The following MYT1L variants were observed in gnomAD, a reference collection of about 807,000 sequenced individuals.
MYT1L encodes myelin transcription factor 1 like.
A neutral mutation model predicts 126.7 loss-of-function variants in MYT1L; 12 were observed. The ratio of observed to expected loss-of-function variants is 0.09; its 90% CI spans 0.06 to 0.15. The LOEUF is 0.15. Among genes scored for constraint, MYT1L ranks in the 10% least tolerant of loss-of-function variants. The pLI is 1.00. For missense variants in MYT1L, 979 were observed against 1,585.2 expected (o/e 0.62, Z 6.49); for synonymous variants, 541 against 604.2 (o/e 0.90, Z 1.53).
At chr2:2,201,530 T>A (rs1027206770) in intron 2 of MYT1L, among the ~76,000 whole-genome samples, 27 of 152,170 alleles carry the variant, frequency 1.8e-4, no homozygotes, top group African/African-American at 6.3e-4. Context: ...AAACCCTGTC[T>A]CTACTGAAAA....
intron 4 of MYT1L, among the ~76,000 whole-genome samples, chr2:2,031,007 C>A (rs757485799): frequency 1.3e-5 from 2 of 152,182 alleles, no homozygotes. Context: ...TTGTATTAAG[C>A]GTGTGCATGA....
chr2:2,270,270 G>T (rs146547131), intron 2 of MYT1L, among the ~76,000 whole-genome samples: 31 of 152,320 alleles, frequency 2.0e-4, no homozygotes, highest in African/African-American at 7.2e-4. Flanking sequence ...TGTTTAAGCC[G>T]TCTGGTAGTT....
chr2:2,194,896 A>G (rs1310404505), intron 2 of MYT1L, among the ~76,000 whole-genome samples: 2 of 152,264 alleles, frequency 1.3e-5, no homozygotes, highest in African/African-American at 4.8e-5. Context: ...TAAATGCTAT[A>G]AAGAGTCTTA....
chr2:1,867,414 G>A (rs562890335), intron 18 of MYT1L, among the ~76,000 whole-genome samples: 28 of 152,200 alleles, frequency 1.8e-4, no homozygotes, highest in Non-Finnish European at 3.5e-4. Flanking sequence ...CCCATGTCTC[G>A]TCCCTGGAGG....
At chr2:2,150,361 C>G (rs758717023) in intron 3 of MYT1L, among the ~76,000 whole-genome samples, 50 of 152,106 alleles carry the variant, frequency 3.3e-4, no homozygotes, top group Non-Finnish European at 6.6e-4. Context: ...TAGTTTAAAA[C>G]TAAACAAAGA....
chr2:1,967,124 T>C (rs1374622933), intron 8 of MYT1L, among the ~76,000 whole-genome samples: 1 of 152,244 alleles, frequency 6.6e-6, no homozygotes, highest in African/African-American at 2.4e-5. Context: ...GGTTCTTTCA[T>C]CATTTCTAGT....
intron 2 of MYT1L, among the ~76,000 whole-genome samples, chr2:2,184,045 AAAAG>A (rs201846554): frequency 0.043 from 6,549 of 150,628 alleles, 212 homozygotes; most frequent in Non-Finnish European, 0.068. Context: ...GAGAAAAAGA[AAAAG>A]AAAGAAAGAA....
rs914816122 is a variant in MYT1L, at chr2:1,929,734, G to A, written c.506-6471C>T. 3.3e-5 allele frequency among the ~76,000 whole-genome samples: 5 copies of A among 152,200 alleles called. No homozygotes were observed. The highest frequency in any genetic ancestry group is 2.0e-4 in the Admixed American group (3 of 15,286). On this transcript the variant is annotated intron_variant, in intron 9 of 24. Transcript: ENST00000647738. The surrounding 1 kb of genome is among the most constrained non-coding windows in gnomAD (Gnocchi z 4.7). ...AGTGCCGGCCATTGCCATTTTCTTTGAATTTTAGTGCTAGATAGAATTATT... is the reference window on the plus strand; with the variant it reads ...AGTGCCGGCCATTGCCATTTTCTTTAAATTTTAGTGCTAGATAGAATTATT...
At chr2:2,160,504 T>A (rs940580308) in intron 3 of MYT1L, among the ~76,000 whole-genome samples, 4 of 152,176 alleles carry the variant, frequency 2.6e-5, no homozygotes, top group African/African-American at 9.6e-5. Context: ...CACTGGCTGC[T>A]AAAGCCATGA....
chr2:2,114,982 C>T (rs2080005982), intron 3 of MYT1L, among the ~76,000 whole-genome samples: 1 of 152,218 alleles, frequency 6.6e-6, no homozygotes, highest in African/African-American at 2.4e-5. Context: ...TAGCATCTCA[C>T]AGACTGTTTT....
Position 1,929,164 on chromosome 2 carries a change from G to A in MYT1L, c.506-5901C>T, listed in dbSNP as rs960687608. Among the ~76,000 whole-genome samples, 1 of 152,144 alleles carries A rather than the reference G, an allele frequency of 6.6e-6. No individual in the cohort carries two copies. On this transcript the variant is annotated intron_variant, in intron 9 of 24. Transcript: ENST00000647738. The surrounding 1 kb of genome is among the most constrained non-coding windows in gnomAD (Gnocchi z 4.7). ...CTGCAGTCTCTTTCCTTTCATAAGA[G>A]GGGAGAAGTCACTTTCCCAGCCCGG...
rs547914644 is a variant in MYT1L at position 2,131,771 on chromosome 2, C to T, written c.-304+41101G>A. ...TGACAGCTCTTCCCAAGTGGGAACT[C>T]GGTTTTCCCAAGTGAGAACTCGGTC... On this transcript the variant is annotated intron_variant, in intron 3 of 24. Transcript: ENST00000647738. 5.4e-4 allele frequency among the ~76,000 whole-genome samples: 82 copies of T among 152,152 alleles called. 2 individuals carry two copies. The South Asian group carries it at 0.015, about 28-fold the overall frequency.
At chr2:2,141,961 G>C (rs2084047499) in intron 3 of MYT1L, among the ~76,000 whole-genome samples, 1 of 152,208 alleles carries the variant, frequency 6.6e-6, no homozygotes, top group Non-Finnish European at 1.5e-5. Flanking sequence ...GTCCTCATCT[G>C]TTATTTTGAG....
chr2:1,998,357 A>G (rs1158855605), intron 4 of MYT1L, among the ~76,000 whole-genome samples: 2 of 152,198 alleles, frequency 1.3e-5, no homozygotes, highest in African/African-American at 4.8e-5. Flanking sequence ...GCAATTCCTC[A>G]TTAGAGCAAC....
Position 1,903,135 on chromosome 2 carries a change from T to A in MYT1L, c.1977A>T (p.Arg659=), listed in dbSNP as rs199701161. ...TGGTTTGCACCTTGGGAGCTATGGCTCGCTTGCCATAAGTATGGTTGTCGT... is the reference window on the plus strand; with the variant it reads ...TGGTTTGCACCTTGGGAGCTATGGCACGCTTGCCATAAGTATGGTTGTCGT... ...NSYDNHTYGK[R]AIAPKVQTRD... is the part of the protein sequence containing the mutation. Residue 659 remains arginine (R), a synonymous_variant, in exon 14 of 25, where the codon CGA becomes CGT. Transcript: ENST00000647738. 6.2e-7 allele frequency: 1 copy of A among 1,614,026 alleles called. No individual in the cohort carries two copies. Among genetic ancestry groups the A allele is most frequent in the African/African-American group, 1.3e-5 (1 of 75,054 alleles).
intron 3 of MYT1L, among the ~76,000 whole-genome samples, chr2:2,126,211 A>G (rs943923519): frequency 3.3e-5 from 5 of 152,176 alleles, no homozygotes; most frequent in African/African-American, 9.7e-5. Context: ...TAAGCCCACG[A>G]CTGCCTTTTT....
At chr2:2,110,878 G>A (rs931032484) in intron 3 of MYT1L, among the ~76,000 whole-genome samples, 1 of 152,172 alleles carries the variant, frequency 6.6e-6, no homozygotes, top group African/African-American at 2.4e-5. Flanking sequence ...ACAGCAATGT[G>A]ACCACAACTG....
chr2:2,268,151 A>G (rs1349843511), intron 2 of MYT1L, among the ~76,000 whole-genome samples: 1 of 152,208 alleles, frequency 6.6e-6, no homozygotes, highest in Non-Finnish European at 1.5e-5. Context: ...ATGTACTTGT[A>G]GACTTTGGAT....
intron 3 of MYT1L, among the ~76,000 whole-genome samples, chr2:2,095,391 A>G (rs2077333267): frequency 6.6e-6 from 1 of 152,222 alleles, no homozygotes; most frequent in African/African-American, 2.4e-5. Flanking sequence ...TGTTGTTACA[A>G]GAGTTCTATG....
Sources: allele counts gnomAD v4.1 joint callset (sites outside exome capture counted in the v4.1 genomes callset), GRCh38; gene constraint gnomAD v4.1.1; non-coding constraint Gnocchi (gnomAD v3.1); transcripts MANE v1.5; gene names NCBI Gene and HGNC (gene_info 2026-07-23, HGNC 2026-07-21).